RGS5: variants seen among roughly 807,000 people sequenced by gnomAD.
The protein encoded by RGS5 is regulator of G protein signaling 5, also known as regulator of G-protein signalling 5.
A neutral mutation model predicts 18.9 loss-of-function variants in RGS5; 20 were observed. That is an observed-to-expected ratio of 1.06 (90% confidence interval 0.74 to 1.54). The LOEUF is 1.54. Ranked by LOEUF, RGS5 falls within the 40% of genes most tolerant of loss-of-function variation. The pLI is 0.00. For synonymous variants in RGS5, 57 were observed against 76.2 expected, an observed-to-expected ratio of 0.75 and a Z score of 1.31; for missense variants, 201 against 211.8, an observed-to-expected ratio of 0.95 and a Z score of 0.32.
chr1:163,312,056 G>A (rs908570130), intron 1 of RGS5, among the ~76,000 whole-genome samples: 5 of 152,176 alleles, frequency 3.3e-5, no homozygotes, highest in Non-Finnish European at 7.4e-5. Flanking sequence ...TGTAATCCCC[G>A]GGTGTTGAGG....
intron 1 of RGS5, among the ~76,000 whole-genome samples, chr1:163,313,814 A>G (rs1308406954): frequency 6.6e-6 from 1 of 152,196 alleles, no homozygotes; most frequent in Non-Finnish European, 1.5e-5. Context: ...GGTCTGCTGC[A>G]CAGGTTACAA....
Position 163,285,494 on chromosome 1 carries a change from T to C in RGS5, c.-281+20739A>G, listed in dbSNP as rs367561657. On this transcript the variant is annotated intron_variant, in intron 2 of 5. Coordinates refer to the RGS5 transcript ENST00000618415. ...AACCCTGGAGGTGGAGACTGCACCATTGCACTCCAGTCTGGGTGACAGAGC... is the reference window on the plus strand; with the variant it reads ...AACCCTGGAGGTGGAGACTGCACCACTGCACTCCAGTCTGGGTGACAGAGC... Among the ~76,000 whole-genome samples, 191 of 151,988 alleles carry C rather than the reference T, an allele frequency of 1.3e-3. 1 individual carries two copies. The highest frequency in any genetic ancestry group is 3.7e-3 in the African/African-American group (153 of 41,466).
chr1:163,147,246 C>T lies in RGS5; in HGVS notation c.*96G>A, dbSNP rs1489767309. The stretch of plus-strand genomic sequence containing the variant: ...TTTTTCCCATGTGGGTATCACTGAG[C>T]AAAGCTGCTGTGGGAAGATATGTAG... On this transcript the variant is annotated 3_prime_UTR_variant, in exon 5 of 5. Transcript: ENST00000313961. The T allele has an allele frequency of 2.2e-6, 3 of 1,342,136 alleles. No individual in the cohort carries two copies. In the African/African-American group the frequency reaches 4.5e-5, roughly 20 times the overall value. 83.1% of individuals were successfully genotyped at this position (1,342,136 alleles called of 1,614,324 possible). A position where few individuals can be genotyped will look rare whatever the true frequency, so the allele number is the denominator to read the frequency against.
At chr1:163,188,956 A>G (rs1451248874) in intron 1 of RGS5, among the ~76,000 whole-genome samples, 1 of 150,834 alleles carries the variant, frequency 6.6e-6, no homozygotes, top group Non-Finnish European at 1.5e-5. Context: ...CATCTCAAAA[A>G]AAAAAAAAAA....
Position 163,162,047 on chromosome 1 carries a change from C to T in RGS5, c.156-71G>A. ...ATTGAACCACATGTACCAGCAATAA[C>T]TACTTCCTGTTTCTCTTAGATGGAA... On this transcript the variant is annotated intron_variant, in intron 2 of 4. Transcript: ENST00000313961. The T allele has an allele frequency of 4.0e-6, 4 of 996,716 alleles. No individual in the cohort carries two copies. The South Asian group carries it at 5.2e-5, about 13-fold the overall frequency. The allele number at this position is 996,716 out of a possible 1,614,324, so 61.7% of individuals were successfully genotyped here. A position where few individuals can be genotyped will look rare whatever the true frequency, so the allele number is the denominator to read the frequency against.
In RGS5 at chr1:163,201,488, AC is replaced by A. The variant is rs566460934; in HGVS notation, c.44+1303del. 1.4e-3 allele frequency among the ~76,000 whole-genome samples: 206 copies of A among 152,272 alleles called. 1 individual carries two copies. The highest frequency in any genetic ancestry group is 4.9e-3 in the African/African-American group (202 of 41,580). ...AGTTTCTTTTATGTAAATTTAAAAAACAATAATAATATTCTATGCTTTTATT... is the reference window on the plus strand; with the variant it reads ...AGTTTCTTTTATGTAAATTTAAAAAAAATAATAATATTCTATGCTTTTATT... On this transcript the variant is annotated intron_variant, in intron 1 of 4. Transcript: ENST00000313961.
chr1:163,205,166 G>A (rs973953669), upstream of RGS5, among the ~76,000 whole-genome samples: 2 of 151,934 alleles, frequency 1.3e-5, no homozygotes, highest in African/African-American at 4.8e-5. Flanking sequence ...GTTAGAAATG[G>A]GAGAAATGGA....
rs537246761 is a variant in RGS5 at position 163,286,433 on chromosome 1, G to GTA, written c.-281+19799_-281+19800insTA. 3.7e-5 allele frequency among the ~76,000 whole-genome samples: 5 copies of GTA among 135,050 alleles called. No individual in the cohort carries two copies. In the South Asian group the frequency reaches 1.2e-3, roughly 32 times the overall value. The allele number at this position is 135,050 out of a possible 152,430, so 88.6% of individuals were successfully genotyped here. A position where few individuals can be genotyped will look rare whatever the true frequency, so the allele number is the denominator to read the frequency against. ...TAATTACATATGTAAATTAATTTAT[G>GTA]CACATAATATACAGTATACATGTAT... On this transcript the variant is annotated intron_variant, in intron 2 of 5. Coordinates refer to the RGS5 transcript ENST00000618415.
intron 1 of RGS5, chr1:163,321,378 T>G (rs1288084716): frequency 6.6e-6 from 1 of 152,194 alleles, no homozygotes; most frequent in East Asian, 1.9e-4. Context: ...AAGTCGTGCT[T>G]ATGAGCACAG....
At chr1:163,165,798 C>T (rs2102398758) in intron 2 of RGS5, among the ~76,000 whole-genome samples, 1 of 152,124 alleles carries the variant, frequency 6.6e-6, no homozygotes, top group Admixed American at 6.6e-5. Flanking sequence ...CCCAGCTACT[C>T]AGGAGGCTGA....
rs755929938 is a variant in RGS5, at chr1:163,147,040, G to A, written c.*302C>T. 2 of 225,308 alleles carry A rather than the reference G, an allele frequency of 8.9e-6. No individual in the cohort carries two copies. The highest frequency in any genetic ancestry group is 1.0e-4 in the East Asian group (1 of 10,036). The allele number at this position is 225,308 out of a possible 1,614,324, so 14.0% of individuals were successfully genotyped here. A position where few individuals can be genotyped will look rare whatever the true frequency, so the allele number is the denominator to read the frequency against. ...CCACATTCATTGATATCATAGTCTT[G>A]TCTTATATTTCTTTGCCTTAGGCAG... On this transcript the variant is annotated 3_prime_UTR_variant, in exon 5 of 5. Transcript: ENST00000313961.
At chr1:163,207,166 G>C (rs1200079183), upstream of RGS5, among the ~76,000 whole-genome samples, 1 of 152,130 alleles carries the variant, frequency 6.6e-6, no homozygotes, top group Non-Finnish European at 1.5e-5. Flanking sequence ...GGATTAAAAA[G>C]CATCGGTACT....
At chr1:163,290,665 A>C (rs1024406836) in intron 2 of RGS5, among the ~76,000 whole-genome samples, 3 of 152,160 alleles carry the variant, frequency 2.0e-5, no homozygotes, top group Non-Finnish European at 4.4e-5. Flanking sequence ...AAAAAAAAAA[A>C]AAAAATGAAT....
At chr1:163,183,019 C>A (rs988569859) in intron 1 of RGS5, among the ~76,000 whole-genome samples, 1 of 152,112 alleles carries the variant, frequency 6.6e-6, no homozygotes. Context: ...ACATGTATTA[C>A]ATCACTTAAT....
intron 2 of RGS5, among the ~76,000 whole-genome samples, chr1:163,251,490 G>A (rs1404824759): frequency 2.6e-5 from 4 of 152,130 alleles, no homozygotes; most frequent in African/African-American, 4.8e-5. Context: ...TCCTTTTCTT[G>A]TGGATTCTTA....
intron 2 of RGS5, among the ~76,000 whole-genome samples, chr1:163,285,574 CAAAT>C (rs1267503692): frequency 1.3e-5 from 2 of 151,718 alleles, no homozygotes; most frequent in Admixed American, 6.6e-5. Flanking sequence ...CAAACAACAA[CAAAT>C]ATATATATAA....
chr1:163,153,073 T>A (rs1657441092), intron 3 of RGS5, among the ~76,000 whole-genome samples: 1 of 152,232 alleles, frequency 6.6e-6, no homozygotes. Flanking sequence ...ACTAATGCCA[T>A]TCTGGACACT....
chr1:163,179,703 G>C (rs544253726), intron 1 of RGS5, among the ~76,000 whole-genome samples: 142 of 152,188 alleles, frequency 9.3e-4, no homozygotes, highest in African/African-American at 3.3e-3. Flanking sequence ...AAAGAGAAAG[G>C]GAGAAAGGAA....
intron 1 of RGS5, among the ~76,000 whole-genome samples, chr1:163,177,145 T>C (rs375988100): frequency 6.6e-6 from 1 of 152,208 alleles, no homozygotes; most frequent in East Asian, 1.9e-4. Context: ...TTTGGACTTG[T>C]GACACTATTG....
Sources: allele counts gnomAD v4.1 joint callset (sites outside exome capture counted in the v4.1 genomes callset), GRCh38; gene constraint gnomAD v4.1.1; transcripts MANE v1.5; gene names NCBI Gene and HGNC (gene_info 2026-07-23, HGNC 2026-07-21).